The following SLC2A12 variants were observed in gnomAD, a reference collection of about 807,000 sequenced individuals.
SLC2A12 encodes the protein solute carrier family 2, facilitated glucose transporter member 12.
In SLC2A12, 23 loss-of-function variants were observed where a neutral mutation model predicts 41.8. The observed-to-expected ratio is 0.55, with a 90% CI of 0.40 to 0.78. The LOEUF (loss-of-function observed/expected upper bound fraction) is 0.78. Among genes scored for constraint, SLC2A12 ranks in the 30% least tolerant of loss-of-function variants. SLC2A12 has a pLI of 0.00. For synonymous variants in SLC2A12, 295 were observed against 285.9 expected (o/e 1.03, Z -0.32); for missense variants, 654 against 745.6 (o/e 0.88, Z 1.43).
Position 133,996,602 on chromosome 6 carries a change from C to A in SLC2A12, c.1701-5294G>T, listed in dbSNP as rs147927352. Reference sequence around the variant, plus strand: ...GAAGTTAACTTGATACTGTAGTTTCCTTTCTTAGAAATAGACATTGGGATT... The same window carrying A: ...GAAGTTAACTTGATACTGTAGTTTCATTTCTTAGAAATAGACATTGGGATT... On this transcript the variant is annotated intron_variant, in intron 4 of 4. Coordinates refer to ENST00000275230, the MANE Select transcript of SLC2A12 (RefSeq NM_145176.3). Among the ~76,000 whole-genome samples the A allele has an allele frequency of 3.6e-3, 547 of 152,258 alleles. 4 individuals are homozygous for A. The highest frequency in any genetic ancestry group is 0.013 in the African/African-American group (520 of 41,554).
At position 134,001,984 on chromosome 6, in the gene SLC2A12, A is replaced by G. The variant is rs1776759272; in HGVS notation, c.1700+13T>C. The G allele has an allele frequency of 6.2e-7, 1 of 1,608,706 alleles. No individual in the cohort carries two copies. The highest frequency in any genetic ancestry group is 1.3e-5 in the African/African-American group (1 of 74,564). On this transcript the variant is annotated intron_variant, in intron 4 of 4. Coordinates refer to ENST00000275230, the MANE Select transcript of SLC2A12 (RefSeq NM_145176.3). ...AAGAGTATTGTTCAGAAACCAATGCATGTAATACTTACACTTTTGCTAGCT... is the reference window on the plus strand; with the variant it reads ...AAGAGTATTGTTCAGAAACCAATGCGTGTAATACTTACACTTTTGCTAGCT...
intron 1 of SLC2A12, among the ~76,000 whole-genome samples, chr6:134,039,303 ACAC>A (rs1228880896): frequency 6.6e-6 from 1 of 152,058 alleles, no homozygotes; most frequent in African/African-American, 2.4e-5. Context: ...CTTCCACTCT[ACAC>A]GTCATTGATC....
chr6:134,008,675 A>G (rs993336737), intron 2 of SLC2A12, among the ~76,000 whole-genome samples: 2 of 152,238 alleles, frequency 1.3e-5, no homozygotes, highest in African/African-American at 4.8e-5. Context: ...TGATATCTGC[A>G]TAATTCTGGT....
At chr6:134,006,094 C>A (rs1002038010) in intron 3 of SLC2A12, among the ~76,000 whole-genome samples, 7 of 149,748 alleles carry the variant, frequency 4.7e-5, no homozygotes, top group African/African-American at 7.3e-5. Context: ...ATCATTTCAA[C>A]CCAGGGGCCG....
At chr6:134,022,573 GAAAAGAAAA>G (rs1777059689) in intron 2 of SLC2A12, among the ~76,000 whole-genome samples, 1 of 103,186 alleles carries the variant, frequency 9.7e-6, no homozygotes, top group Non-Finnish European at 1.9e-5. Context: ...GAAAAGAAAA[GAAAAGAAAA>G]GAAAAGAAAA....
intron 4 of SLC2A12, among the ~76,000 whole-genome samples, chr6:133,996,442 G>C (rs1241666730): frequency 1.3e-5 from 2 of 152,142 alleles, no homozygotes; most frequent in African/African-American, 4.8e-5. Flanking sequence ...TGACCTCTCA[G>C]CTGAGTCACT....
chr6:134,020,935 A>C (rs1398410953), intron 2 of SLC2A12, among the ~76,000 whole-genome samples: 1 of 152,216 alleles, frequency 6.6e-6, no homozygotes, highest in Non-Finnish European at 1.5e-5. Flanking sequence ...AAAGCAGAGG[A>C]TCCAAAAAGC....
rs778615410 is a variant in SLC2A12 at position 134,028,369 on chromosome 6, T to C, written c.1444+12A>G. The C allele has an allele frequency of 1.1e-5, 17 of 1,588,632 alleles. No homozygotes were observed. The highest frequency in any genetic ancestry group is 1.0e-4 in the South Asian group (9 of 86,444). Reference sequence around the variant, plus strand: ...TGGTCAAAAGCAATACATTAAAGAATAAAGTACTTACTTGGTCCTAGACCA... The same window carrying C: ...TGGTCAAAAGCAATACATTAAAGAACAAAGTACTTACTTGGTCCTAGACCA... On this transcript the variant is annotated intron_variant, in intron 2 of 4. Transcript: ENST00000275230.
chr6:134,001,920 T>C (rs971748336), intron 4 of SLC2A12, 77 bp downstream of exon 4: 3 of 1,457,426 alleles, frequency 2.1e-6, no homozygotes, highest in Non-Finnish European at 2.8e-6. Flanking sequence ...ATTTCAGATA[T>C]TATTCCTTTG....
At chr6:134,030,780 A>C (rs1034530083) in intron 1 of SLC2A12, among the ~76,000 whole-genome samples, 1 of 152,136 alleles carries the variant, frequency 6.6e-6, no homozygotes, top group Non-Finnish European at 1.5e-5. Context: ...GAATTTGGAT[A>C]AGTACAGAGG....
intron 2 of SLC2A12, among the ~76,000 whole-genome samples, chr6:134,008,510 G>C (rs1406243826): frequency 6.6e-6 from 1 of 152,112 alleles, no homozygotes; most frequent in African/African-American, 2.4e-5. Context: ...CACCTCACCT[G>C]TCTTCCCCTG....
At chr6:134,026,369 C>T (rs528212082) in intron 2 of SLC2A12, among the ~76,000 whole-genome samples, 1 of 152,142 alleles carries the variant, frequency 6.6e-6, no homozygotes, top group Non-Finnish European at 1.5e-5. Context: ...GTTTCACACC[C>T]AAATCTAAGG....
intron 1 of SLC2A12, among the ~76,000 whole-genome samples, chr6:134,040,737 C>G (rs1032462828): frequency 2.0e-5 from 3 of 152,218 alleles, no homozygotes; most frequent in African/African-American, 4.8e-5. Flanking sequence ...TTTCAAGAAG[C>G]AACCTGGAAG....
Position 133,991,179 on chromosome 6 carries a change from G to A in SLC2A12, c.1830C>T (p.Ser610=), listed in dbSNP as rs1433105669. ...ECNKLCGRGQ[S]RQLSPET ...ATTAGGTCTCTGGAGAAAGCTGCCT[G>A]GATTGGCCCCTACCACACAGCTTGT... The change falls in exon 5 of 5, where the codon TCC becomes TCT. Residue 610 remains serine, a synonymous_variant. Transcript: ENST00000275230. 6.2e-7 allele frequency: 1 copy of A among 1,613,508 alleles called. No individual in the cohort carries two copies. The highest frequency in any genetic ancestry group is 1.1e-5 in the South Asian group (1 of 90,848).
intron 1 of SLC2A12, among the ~76,000 whole-genome samples, chr6:134,044,412 C>A (rs114982958): frequency 1.9e-3 from 294 of 152,078 alleles, no homozygotes; most frequent in African/African-American, 6.3e-3. Context: ...GTTGGTAAAA[C>A]CTACAGACAA....
intron 2 of SLC2A12, among the ~76,000 whole-genome samples, chr6:134,026,620 G>A (rs775286126): frequency 2.6e-5 from 4 of 152,158 alleles, no homozygotes; most frequent in Admixed American, 2.6e-4. Context: ...TTCATTAATG[G>A]TAATTATCAT....
chr6:134,014,112 G>C (rs1330084721), intron 2 of SLC2A12, among the ~76,000 whole-genome samples: 1 of 152,192 alleles, frequency 6.6e-6, no homozygotes, highest in African/African-American at 2.4e-5. Flanking sequence ...TTTTGTGGAA[G>C]ACAATTTTTC....
chr6:134,013,889 A>G (rs916167236), intron 2 of SLC2A12, among the ~76,000 whole-genome samples: 3 of 152,210 alleles, frequency 2.0e-5, no homozygotes, highest in Non-Finnish European at 1.5e-5. Context: ...CATGTATCAA[A>G]ATAATATTTC....
Position 133,987,714 on chromosome 6 carries a change from A to G in SLC2A12, c.*3441T>C, listed in dbSNP as rs1776558591. 1 of 151,568 alleles carries G rather than the reference A, an allele frequency of 6.6e-6. No individual in the cohort carries two copies. Among genetic ancestry groups the G allele is most frequent in the African/African-American group, 2.4e-5 (1 of 41,128 alleles). The allele number at this position is 151,568 out of a possible 1,614,324, so 9.4% of individuals were successfully genotyped here. A position where few individuals can be genotyped will look rare whatever the true frequency, so the allele number is the denominator to read the frequency against. ...TTTTAATGCTCTGTTACCAAATAAC[A>G]AATAGGAATTTTTTTTCTTGCAGAT... On this transcript the variant is annotated 3_prime_UTR_variant, in exon 5 of 5. Transcript: ENST00000275230.
Sources: gnomAD v4.1 joint callset for allele counts (sites outside exome capture counted in the v4.1 genomes callset) on GRCh38, gnomAD v4.1.1 for gene constraint, MANE v1.5 for transcripts, NCBI Gene and HGNC (gene_info 2026-07-23, HGNC 2026-07-21) for gene names.